The following GLI3 variants were observed in gnomAD, a reference collection of about 807,000 sequenced individuals.
The protein encoded by GLI3 is GLI family zinc finger 3.
A neutral mutation model predicts 100.8 loss-of-function variants in GLI3; 20 were observed. The ratio of observed to expected loss-of-function variants is 0.20; its 90% CI spans 0.14 to 0.29. The LOEUF (loss-of-function observed/expected upper bound fraction) is 0.29, where lower values mean the gene tolerates loss of function less well. GLI3 is among the 10% of genes least tolerant of loss of function. GLI3 has a pLI of 1.00. For synonymous variants in GLI3, 938 were observed against 860.5 expected (o/e 1.09, Z -1.58); for missense variants, 2,040 against 2,128.5 (o/e 0.96, Z 0.82).
intron 7 of GLI3, among the ~76,000 whole-genome samples, chr7:42,027,238 G>A (rs1030162217): frequency 1.3e-5 from 2 of 152,140 alleles, no homozygotes; most frequent in Non-Finnish European, 2.9e-5. Context: ...TTGTGCCAGT[G>A]TGGTTCTGGA....
At chr7:42,166,729 T>C (rs1296201820) in intron 2 of GLI3, among the ~76,000 whole-genome samples, 1 of 138,882 alleles carries the variant, frequency 7.2e-6, no homozygotes, top group Non-Finnish European at 1.5e-5. Context: ...ACACAATCTC[T>C]ACTCACTGCA....
chr7:41,969,483 T>A (rs1430489710), intron 13 of GLI3, among the ~76,000 whole-genome samples: 1 of 152,190 alleles, frequency 6.6e-6, no homozygotes, highest in Non-Finnish European at 1.5e-5. Context: ...TGCTGCATGG[T>A]ACACTAACTT....
intron 7 of GLI3, among the ~76,000 whole-genome samples, chr7:42,028,893 T>C (rs1225964883): frequency 6.6e-6 from 1 of 152,200 alleles, no homozygotes; most frequent in Non-Finnish European, 1.5e-5. Flanking sequence ...ACGATCCTCC[T>C]TGTCCTCGGG....
intron 2 of GLI3, among the ~76,000 whole-genome samples, chr7:42,170,224 C>G (rs1787337449): frequency 6.8e-6 from 1 of 146,414 alleles, no homozygotes; most frequent in East Asian, 2.0e-4. Flanking sequence ...TGCACTCCAG[C>G]CTGGGCGACA....
chr7:42,064,668 A>T (rs184593672), intron 4 of GLI3, among the ~76,000 whole-genome samples: 3 of 152,276 alleles, frequency 2.0e-5, no homozygotes, highest in African/African-American at 7.2e-5. Context: ...TAATCCAGTC[A>T]CACTCATGAG....
rs932112475 is a variant in GLI3 at position 41,972,983 on chromosome 7, C to T, written c.1813-356G>A. On this transcript the variant is annotated intron_variant, in intron 12 of 14. Coordinates refer to ENST00000395925, the MANE Select transcript of GLI3 (RefSeq NM_000168.6). This position sits in a 1 kb window ranked among gnomAD's most constrained non-coding sequence, Gnocchi z 4.4. ...TTGATGATGATGATGATGATGATGA[C>T]GATGACTATGAAGATGGCTTAAAAG... is the stretch of plus-strand genomic sequence containing the variant. Among the ~76,000 whole-genome samples, 3 of 151,840 alleles carry T rather than the reference C, an allele frequency of 2.0e-5. No homozygotes were observed. The highest frequency in any genetic ancestry group is 1.9e-4 in the East Asian group (1 of 5,184).
intron 10 of GLI3, among the ~76,000 whole-genome samples, chr7:42,016,706 T>TCAG (rs1353203736): frequency 6.6e-6 from 1 of 151,522 alleles, no homozygotes; most frequent in East Asian, 1.9e-4. Context: ...ATCACCACCA[T>TCAG]CATCATCATC....
At chr7:42,230,555 A>G (rs1011808857) in intron 1 of GLI3, among the ~76,000 whole-genome samples, 1 of 152,242 alleles carries the variant, frequency 6.6e-6, no homozygotes, top group Non-Finnish European at 1.5e-5. Flanking sequence ...AATCATTGCT[A>G]CTGCAGTTAA....
intron 2 of GLI3, among the ~76,000 whole-genome samples, chr7:42,195,776 T>C (rs1475047709): frequency 1.3e-5 from 2 of 152,202 alleles, no homozygotes; most frequent in African/African-American, 4.8e-5. Flanking sequence ...AGGACATACA[T>C]GAAAAATACC....
At chr7:42,115,875 C>A (rs1156636623) in intron 3 of GLI3, among the ~76,000 whole-genome samples, 5 of 152,004 alleles carry the variant, frequency 3.3e-5, no homozygotes, top group Non-Finnish European at 5.9e-5. Context: ...GGGTTGGTGG[C>A]AAGTGTTAAC....
rs371372892 is a variant in GLI3 at position 42,023,644 on chromosome 7, G to T, written c.1357-36C>A. 43 of 1,594,506 alleles carry T rather than the reference G, an allele frequency of 2.7e-5. 1 individual carries two copies. The highest frequency in any genetic ancestry group is 4.0e-5 in the African/African-American group (3 of 74,528). On this transcript the variant is annotated intron_variant, in intron 9 of 14. Transcript: ENST00000395925. Reference sequence around the variant, plus strand: ...AGGGTGGGGGGCAGGGAACAGAGAAGGGGGAAGAATCAGACACAACAGGAG... The same window carrying T: ...AGGGTGGGGGGCAGGGAACAGAGAATGGGGAAGAATCAGACACAACAGGAG...
intron 3 of GLI3, among the ~76,000 whole-genome samples, chr7:42,106,199 G>A (rs187609114): frequency 1.3e-5 from 2 of 152,286 alleles, no homozygotes; most frequent in African/African-American, 4.8e-5. Context: ...CATGCAGCCC[G>A]CAGTTTCCAT....
rs1202632299 is a variant in GLI3 at position 42,178,033 on chromosome 7, A to G, written c.125-29565T>C. On this transcript the variant is annotated intron_variant, in intron 2 of 14. Coordinates refer to ENST00000395925, the MANE Select transcript of GLI3 (RefSeq NM_000168.6). ...ACTAGCCAAACTTGACATGGAAAAAATCAGTGCTAACAAGAACTTCAGGTG... is the reference window on the plus strand; with the variant it reads ...ACTAGCCAAACTTGACATGGAAAAAGTCAGTGCTAACAAGAACTTCAGGTG... Among the ~76,000 whole-genome samples, 3 of 152,226 alleles carry G rather than the reference A, an allele frequency of 2.0e-5. 1 individual carries two copies. The highest frequency in any genetic ancestry group is 2.0e-4 in the Admixed American group (3 of 15,286).
At chr7:42,179,040 A>G (rs1053380921) in intron 2 of GLI3, among the ~76,000 whole-genome samples, 3 of 152,090 alleles carry the variant, frequency 2.0e-5, no homozygotes, top group Admixed American at 1.3e-4. Flanking sequence ...CTCCACCTAA[A>G]TCTCATCTTG....
rs532333303 is a variant in GLI3 at position 42,085,037 on chromosome 7, G to A, written c.368-8180C>T. Among the ~76,000 whole-genome samples, 612 of 150,970 alleles carry A rather than the reference G, an allele frequency of 4.1e-3. 5 individuals carry two copies. The highest frequency in any genetic ancestry group is 0.014 in the African/African-American group (564 of 41,132). On this transcript the variant is annotated intron_variant, in intron 3 of 14. Coordinates refer to ENST00000395925, the MANE Select transcript of GLI3 (RefSeq NM_000168.6). ...AGCGATTCTCGTGCCTCAGCCTCCCGAGTAGCTGGGATTACAGGTGCCCAC... is the reference window on the plus strand; with the variant it reads ...AGCGATTCTCGTGCCTCAGCCTCCCAAGTAGCTGGGATTACAGGTGCCCAC...
chr7:42,094,849 GC>G (rs1463266744), intron 3 of GLI3, among the ~76,000 whole-genome samples: 1 of 152,204 alleles, frequency 6.6e-6, no homozygotes, highest in Non-Finnish European at 1.5e-5. Context: ...GCTCCAAGGA[GC>G]CCCAGAGGGG....
At chr7:42,039,316 A>C (rs1784082510) in intron 7 of GLI3, among the ~76,000 whole-genome samples, 1 of 152,194 alleles carries the variant, frequency 6.6e-6, no homozygotes, top group African/African-American at 2.4e-5. Flanking sequence ...TATGTTAATC[A>C]TGTTTACAAA....
At chr7:42,224,033 T>A (rs908993290) in intron 1 of GLI3, among the ~76,000 whole-genome samples, 2 of 152,230 alleles carry the variant, frequency 1.3e-5, no homozygotes, top group Non-Finnish European at 2.9e-5. Flanking sequence ...TTAGGAAATA[T>A]CAAAACTCAG....
rs766323586 is a variant in GLI3 at position 41,961,322 on chromosome 7, AAC to A, written c.*3006_*3007del. The A allele has an allele frequency of 1.0e-4, 16 of 152,668 alleles. No homozygotes were observed. Among genetic ancestry groups the A allele is most frequent in the Admixed American group, 7.8e-4 (12 of 15,296 alleles). The allele number at this position is 152,668 out of a possible 1,614,324, so 9.5% of individuals were successfully genotyped here. On this transcript the variant is annotated 3_prime_UTR_variant, in exon 15 of 15. Coordinates refer to ENST00000395925, the MANE Select transcript of GLI3 (RefSeq NM_000168.6). The stretch of plus-strand genomic sequence containing the variant: ...GAACATCCTCCTATCAGTTCAAAAC[AAC>A]ACATGAAACCAGGATACAAGACAGC...
Sources: gnomAD v4.1 joint callset for allele counts (sites outside exome capture counted in the v4.1 genomes callset) on GRCh38, gnomAD v4.1.1 for gene constraint, Gnocchi (gnomAD v3.1) non-coding constraint, MANE v1.5 for transcripts, NCBI Gene and HGNC (gene_info 2026-07-23, HGNC 2026-07-21) for gene names.